The following DHRSX variants were observed in gnomAD, a reference collection of about 807,000 sequenced individuals.
DHRSX encodes the protein polyprenol dehydrogenase.
In DHRSX, 31 loss-of-function variants were observed where a neutral mutation model predicts 34.0. The observed-to-expected ratio is 0.91, with a 90% CI of 0.69 to 1.23. DHRSX has a LOEUF of 1.23. Ranked by LOEUF, DHRSX falls within the 50% of genes most tolerant of loss-of-function variation. The pLI, the probability that DHRSX is intolerant of heterozygous loss-of-function variation, is 0.00. For synonymous variants in DHRSX, 201 were observed against 183.8 expected (o/e 1.09, Z -0.76); for missense variants, 414 against 428.1 (o/e 0.97, Z 0.29).
intron 4 of DHRSX, among the ~76,000 whole-genome samples, chrX:2,273,206 T>TAAATA (rs1196623100): frequency 2.0e-5 from 3 of 151,768 alleles, no homozygotes; most frequent in Non-Finnish European, 2.9e-5. Flanking sequence ...AATAAATAAA[T>TAAATA]CAATAAAATA....
chrX:2,303,239 C>G (rs73628286), intron 3 of DHRSX, among the ~76,000 whole-genome samples: 2 of 152,028 alleles, frequency 1.3e-5, no homozygotes, highest in East Asian at 1.9e-4. Flanking sequence ...CACTGGCTTG[C>G]GAGGTGGTGA....
chrX:2,357,158 C>T (rs780042608), intron 3 of DHRSX, among the ~76,000 whole-genome samples: 2 of 152,006 alleles, frequency 1.3e-5, no homozygotes, highest in African/African-American at 2.4e-5. Context: ...GCAGGAGAAT[C>T]GCTTGAACCC....
chrX:2,456,814 G>C (rs759070651), intron 1 of DHRSX, among the ~76,000 whole-genome samples: 1 of 152,022 alleles, frequency 6.6e-6, no homozygotes, highest in Non-Finnish European at 1.5e-5. Flanking sequence ...CCAGAAATCC[G>C]AAGATTCAGG....
chrX:2,481,730 G>A (rs776294270), intron 1 of DHRSX, among the ~76,000 whole-genome samples: 39 of 152,164 alleles, frequency 2.6e-4, no homozygotes, highest in African/African-American at 8.4e-4. Context: ...GTGAGCACAC[G>A]AGGTCGTCTC....
chrX:2,496,874 CTAAAAATATATATATTTAA>C (rs1437342511), intron 1 of DHRSX, among the ~76,000 whole-genome samples: 2 of 147,054 alleles, frequency 1.4e-5, no homozygotes, highest in Admixed American at 1.4e-4. Context: ...ATAAATTATT[CTAAAAATATATATATTTAA>C]TAAAAATAAA....
At chrX:2,266,574 G>C (rs2041476986) in intron 5 of DHRSX, 166 bp downstream of exon 5, 1 of 191,678 alleles carries the variant, frequency 5.2e-6, no homozygotes, top group Admixed American at 6.6e-5. Flanking sequence ...CAGATGCAGG[G>C]AGCACTGTCC....
At chrX:2,467,300 G>A (rs190967249) in intron 1 of DHRSX, among the ~76,000 whole-genome samples, 16 of 152,024 alleles carry the variant, frequency 1.1e-4, no homozygotes, top group African/African-American at 3.4e-4. Flanking sequence ...ATCTGGCTCC[G>A]TCACTGATCA....
chrX:2,352,847 G>A (rs1455885459), intron 3 of DHRSX, among the ~76,000 whole-genome samples: 1 of 152,164 alleles, frequency 6.6e-6, no homozygotes, highest in African/African-American at 2.4e-5. Flanking sequence ...CACGGGCATT[G>A]AGAACAGCAG....
In DHRSX at chrX:2,221,010, C is replaced by A. The variant is rs1341541787; in HGVS notation, c.*31G>T. 6.2e-7 allele frequency: 1 copy of A among 1,606,172 alleles called. No homozygotes were observed. Among genetic ancestry groups the A allele is most frequent in the South Asian group, 1.1e-5 (1 of 89,814 alleles). On this transcript the variant is annotated 3_prime_UTR_variant, in exon 7 of 7. Coordinates refer to ENST00000334651, the MANE Select transcript of DHRSX (RefSeq NM_145177.3). ...AGCTATTGGCAGGTGCAATGTGTTT[C>A]TTGGGGCAGCAGCTATCCTGAGACA...
In DHRSX at chrX:2,490,309, C is replaced by T. The variant is rs1477180123; in HGVS notation, c.109+10508G>A. On this transcript the variant is annotated intron_variant, in intron 1 of 6. Transcript: ENST00000334651. ...CGTCCACGATGGAGGCTGGGTACAG[C>T]CCCTCGCAGATGAGGCCCAGCACGG... The T allele has an allele frequency of 5.0e-6, 8 of 1,613,428 alleles. No individual in the cohort carries two copies. The Admixed American group carries it at 5.0e-5, about 10-fold the overall frequency.
chrX:2,330,509 G>A (rs1335327527), intron 3 of DHRSX, among the ~76,000 whole-genome samples: 1 of 124,380 alleles, frequency 8.0e-6, no homozygotes, highest in Non-Finnish European at 1.6e-5. Context: ...AACAGAGTGA[G>A]ACTCCGTGAA....
At chrX:2,242,842 A>C (rs1301837732) in intron 6 of DHRSX, among the ~76,000 whole-genome samples, 181 bp downstream of exon 6, 1 of 152,052 alleles carries the variant, frequency 6.6e-6, no homozygotes, top group Admixed American at 6.6e-5. Flanking sequence ...TTGTCTGCGG[A>C]GGAGCCATTC....
At chrX:2,290,339 CA>C (rs2041851637) in intron 4 of DHRSX, among the ~76,000 whole-genome samples, 1 of 152,162 alleles carries the variant, frequency 6.6e-6, no homozygotes, top group Non-Finnish European at 1.5e-5. Context: ...CAGCTGGAAA[CA>C]GACAGGTATT....
At chrX:2,282,754 G>C (rs2041733065) in intron 4 of DHRSX, among the ~76,000 whole-genome samples, 1 of 134,912 alleles carries the variant, frequency 7.4e-6, no homozygotes. Flanking sequence ...GGGAGAGAGA[G>C]AAGAGGGGAG....
intron 1 of DHRSX, among the ~76,000 whole-genome samples, chrX:2,437,694 AGAGAGTGTGT>A (rs1483216337): frequency 2.6e-3 from 181 of 69,338 alleles, no homozygotes; most frequent in Non-Finnish European, 2.7e-3. Flanking sequence ...AGAGAGAGAG[AGAGAGTGTGT>A]GTGTGTGTGT....
chrX:2,243,054 G>A lies in DHRSX; in HGVS notation c.773C>T (p.Ala258Val), dbSNP rs768516472. ...YKHVFWATRLAKKLLGWLLFK... is the reference protein window; with the variant it reads ...YKHVFWATRLVKKLLGWLLFK... ...AAGCAACCAGCCGAGAAGCTTCTTC[G>A]CCAGACGGGTGGCCCAGAACACGTG... The change falls in exon 6 of 7, where the codon GCG becomes GTG. Residue 258 changes from alanine to valine, a missense_variant. Physicochemically the swap from Ala to Val is moderately conservative, Grantham distance 64. Coordinates refer to ENST00000334651, the MANE Select transcript of DHRSX (RefSeq NM_145177.3). The A allele has an allele frequency of 1.1e-4, 177 of 1,613,704 alleles. 2 individuals are homozygous for A. The South Asian group carries it at 1.5e-3, about 14-fold the overall frequency.
At chrX:2,349,843 C>G (rs184053329) in intron 3 of DHRSX, among the ~76,000 whole-genome samples, 1 of 148,216 alleles carries the variant, frequency 6.7e-6, no homozygotes, top group East Asian at 2.0e-4. Context: ...TCGAGACCAT[C>G]CTGGCTAACA....
intron 1 of DHRSX, among the ~76,000 whole-genome samples, chrX:2,458,291 G>A (rs1569503414): frequency 6.6e-6 from 1 of 152,116 alleles, no homozygotes; most frequent in Non-Finnish European, 1.5e-5. Context: ...CAAAACATCA[G>A]AGCAAAGAAT....
chrX:2,259,357 TAG>T (rs1410268733), intron 5 of DHRSX, among the ~76,000 whole-genome samples: 42 of 112,624 alleles, frequency 3.7e-4, no homozygotes, highest in African/African-American at 7.1e-4. Context: ...GATATATAGA[TAG>T]ATATAGATAT....
Sources: allele counts gnomAD v4.1 joint callset (sites outside exome capture counted in the v4.1 genomes callset), GRCh38; gene constraint gnomAD v4.1.1; transcripts MANE v1.5; gene names NCBI Gene and HGNC (gene_info 2026-07-23, HGNC 2026-07-21).